Variants in CAMTA1 observed in about 807,000 individuals in gnomAD.
CAMTA1 encodes calmodulin-binding transcription activator 1.
A neutral mutation model predicts 170.9 loss-of-function variants in CAMTA1; 27 were observed. The observed-to-expected ratio is 0.16, with a 90% confidence interval of 0.12 to 0.22. The LOEUF is 0.22. Among genes scored for constraint, CAMTA1 ranks in the 10% least tolerant of loss-of-function variants. CAMTA1 has a pLI of 1.00. For missense variants in CAMTA1, 1,619 were observed against 2,217.2 expected (o/e 0.73, Z 5.42); for synonymous variants, 833 against 891.5 (o/e 0.93, Z 1.17).
At chr1:7,509,054 C>T (rs1260781599) in intron 6 of CAMTA1, among the ~76,000 whole-genome samples, 1 of 152,204 alleles carries the variant, frequency 6.6e-6, no homozygotes, top group Non-Finnish European at 1.5e-5. Context: ...TCCCTGGCTG[C>T]TGTGGGTCCC....
rs574335859 is a variant in CAMTA1 at position 7,223,012 on chromosome 1, C to G, written c.303-26479C>G. Among the ~76,000 whole-genome samples, 6 of 152,370 alleles carry G rather than the reference C, an allele frequency of 3.9e-5. No homozygotes were observed. In the Middle Eastern group the frequency reaches 0.01, roughly 259 times the overall value. On this transcript the variant is annotated intron_variant, in intron 4 of 22. Coordinates refer to ENST00000303635, the MANE Select transcript of CAMTA1 (RefSeq NM_015215.4). ...CAAGTCTTCACTGTCCTTAAGATCT[C>G]AAACCTTTTTTTCTTGATCTTCTTC...
chr1:7,071,847 T>TG (rs988149967), intron 3 of CAMTA1, among the ~76,000 whole-genome samples: 3 of 152,196 alleles, frequency 2.0e-5, no homozygotes, highest in African/African-American at 4.8e-5. Flanking sequence ...TCCTCCTGCC[T>TG]GGGGGGCCAT....
intron 5 of CAMTA1, among the ~76,000 whole-genome samples, chr1:7,284,493 C>T (rs981073979): frequency 3.3e-5 from 5 of 152,162 alleles, no homozygotes; most frequent in Non-Finnish European, 5.9e-5. Context: ...TGAGCCACCA[C>T]GTCCAGGCTT....
At chr1:6,792,109 A>G (rs1641277204) in intron 1 of CAMTA1, among the ~76,000 whole-genome samples, 1 of 151,830 alleles carries the variant, frequency 6.6e-6, no homozygotes, top group South Asian at 2.1e-4. Flanking sequence ...GTGCACCACC[A>G]TGCCCGGCTA....
intron 6 of CAMTA1, among the ~76,000 whole-genome samples, chr1:7,596,422 C>T (rs2095400381): frequency 6.6e-6 from 1 of 152,228 alleles, no homozygotes; most frequent in East Asian, 1.9e-4. Flanking sequence ...CAGCATTTCT[C>T]CCACCCCCAT....
Position 7,217,312 on chromosome 1 carries a change from C to A in CAMTA1, c.303-32179C>A, listed in dbSNP as rs143741813. ...GATTGTAAGTTTCCTGAGGCCTCTCCAACCATGTGGAACTGTGAGCCAGTT... is the reference window on the plus strand; with the variant it reads ...GATTGTAAGTTTCCTGAGGCCTCTCAAACCATGTGGAACTGTGAGCCAGTT... On this transcript the variant is annotated intron_variant, in intron 4 of 22. Transcript: ENST00000303635. 5.0e-3 allele frequency among the ~76,000 whole-genome samples: 756 copies of A among 152,310 alleles called. 15 individuals are homozygous for A. Among genetic ancestry groups the A allele is most frequent in the Admixed American group, 0.038 (588 of 15,300 alleles).
At chr1:7,313,901 C>T (rs915165654) in intron 5 of CAMTA1, among the ~76,000 whole-genome samples, 59 of 152,186 alleles carry the variant, frequency 3.9e-4, no homozygotes, top group South Asian at 8.3e-4. Context: ...GAAAGCAGTG[C>T]GGAGAGGGCA....
At chr1:6,857,404 A>G (rs1031065035) in intron 3 of CAMTA1, among the ~76,000 whole-genome samples, 1 of 152,242 alleles carries the variant, frequency 6.6e-6, no homozygotes, top group African/African-American at 2.4e-5. Context: ...TACTTGTTCA[A>G]TTAAAAAAGT....
chr1:7,651,111 A>G (rs1335617046), intron 7 of CAMTA1, among the ~76,000 whole-genome samples: 1 of 152,156 alleles, frequency 6.6e-6, no homozygotes, highest in South Asian at 2.1e-4. Context: ...CCCAGCCTAT[A>G]CCAGCACCTG....
intron 5 of CAMTA1, among the ~76,000 whole-genome samples, chr1:7,459,344 C>A (rs1471665523): frequency 6.6e-6 from 1 of 152,192 alleles, no homozygotes; most frequent in East Asian, 1.9e-4. Flanking sequence ...TTGCCCCACA[C>A]AGGATCTTGC....
intron 4 of CAMTA1, among the ~76,000 whole-genome samples, chr1:7,198,331 C>A (rs1046413364): frequency 6.6e-6 from 1 of 151,950 alleles, no homozygotes; most frequent in African/African-American, 2.4e-5. Context: ...CCCCCACTCC[C>A]CTACCCCCGA....
intron 11 of CAMTA1, among the ~76,000 whole-genome samples, chr1:7,713,811 C>G (rs1262894400): frequency 6.6e-6 from 1 of 152,132 alleles, no homozygotes; most frequent in African/African-American, 2.4e-5. Context: ...TGTCAAAGAG[C>G]CCCTGAACAG....
In CAMTA1 at chr1:6,927,087, C is replaced by T. The variant is rs138800602; in HGVS notation, c.234+101877C>T. On this transcript the variant is annotated intron_variant, in intron 3 of 22. Coordinates refer to ENST00000303635, the MANE Select transcript of CAMTA1 (RefSeq NM_015215.4). ...TTTTTATTTTTAGAGTGCAGTGGCA[C>T]AATCATAACTCACTGTAGCCTCAAA... Among the ~76,000 whole-genome samples the T allele has an allele frequency of 1.1e-3, 173 of 151,890 alleles. 1 individual carries two copies. Among genetic ancestry groups the T allele is most frequent in the African/African-American group, 3.7e-3 (154 of 41,418 alleles).
chr1:6,948,926 G>T (rs985703405), intron 3 of CAMTA1, among the ~76,000 whole-genome samples: 2 of 152,200 alleles, frequency 1.3e-5, no homozygotes, highest in African/African-American at 4.8e-5. Flanking sequence ...CTTGGCAGGT[G>T]CTGTTGCTCC....
At chr1:7,355,264 G>T (rs184013084) in intron 5 of CAMTA1, among the ~76,000 whole-genome samples, 1 of 136,236 alleles carries the variant, frequency 7.3e-6, no homozygotes, top group Admixed American at 7.5e-5. Context: ...TGCACCTGTA[G>T]TCCCAGCTAC....
At position 7,010,081 on chromosome 1, in the gene CAMTA1, G is replaced by T. The variant is rs927320954; in HGVS notation, c.235-81223G>T. On this transcript the variant is annotated intron_variant, in intron 3 of 22. Transcript: ENST00000303635. This position sits in a 1 kb window ranked among gnomAD's most constrained non-coding sequence, Gnocchi z 4.4. ...CAGGCTCAGGCACTTGCCAGGGGTTGGTTGGTTTGTTTCTTCTGGATTTGG... is the reference window on the plus strand; with the variant it reads ...CAGGCTCAGGCACTTGCCAGGGGTTTGTTGGTTTGTTTCTTCTGGATTTGG... Among the ~76,000 whole-genome samples the T allele has an allele frequency of 6.6e-6, 1 of 152,200 alleles. No homozygotes were observed. The highest frequency in any genetic ancestry group is 2.1e-4 in the South Asian group (1 of 4,826).
At chr1:7,720,240 C>G (rs1044374097) in intron 11 of CAMTA1, among the ~76,000 whole-genome samples, 1 of 152,188 alleles carries the variant, frequency 6.6e-6, no homozygotes, top group Non-Finnish European at 1.5e-5. Flanking sequence ...ACCTGGCTGA[C>G]TTGTTAAACA....
At chr1:6,799,389 G>C (rs140052041) in intron 1 of CAMTA1, among the ~76,000 whole-genome samples, 148 of 152,346 alleles carry the variant, frequency 9.7e-4, no homozygotes, top group African/African-American at 3.2e-3. Context: ...CACTAGCTGG[G>C]AATGCTGGTG....
chr1:7,288,666 G>A (rs1672678903), intron 5 of CAMTA1, among the ~76,000 whole-genome samples: 1 of 152,234 alleles, frequency 6.6e-6, no homozygotes, highest in African/African-American at 2.4e-5. Context: ...GAAGCATACT[G>A]GGGAAGAGGA....
Sources: allele counts gnomAD v4.1 joint callset (sites outside exome capture counted in the v4.1 genomes callset), GRCh38; gene constraint gnomAD v4.1.1; non-coding constraint Gnocchi (gnomAD v3.1); transcripts MANE v1.5; gene names NCBI Gene and HGNC (gene_info 2026-07-23, HGNC 2026-07-21).